Variants in PCDHGA8 observed in about 807,000 individuals in gnomAD.
PCDHGA8 encodes the protein protocadherin gamma subfamily A, 8.
A neutral mutation model predicts 59.2 loss-of-function variants in PCDHGA8; 45 were observed. The observed-to-expected ratio is 0.76, with a 90% CI of 0.60 to 0.98. The LOEUF (loss-of-function observed/expected upper bound fraction) is 0.98, where lower values mean the gene tolerates loss of function less well. Ranked by LOEUF, PCDHGA8 falls within the 50% of genes least tolerant of loss-of-function variation. The probability of loss-of-function intolerance (pLI) is 0.00; values close to 1 mark genes in which losing one functional copy is unlikely to be tolerated. For synonymous variants in PCDHGA8, 531 were observed against 519.0 expected, an observed-to-expected ratio of 1.02 and a Z score of -0.32; for missense variants, 1,257 against 1,196.2, an observed-to-expected ratio of 1.05 and a Z score of -0.75.
At chr5:141,457,560 G>A (rs1466753974) in intron 1 of PCDHGA8, among the ~76,000 whole-genome samples, 1 of 152,162 alleles carries the variant, frequency 6.6e-6, no homozygotes, top group African/African-American at 2.4e-5. Flanking sequence ...ATAAGCTTTG[G>A]AGCAAAATTT....
chr5:141,402,091 G>C (rs1453803021), intron 1 of PCDHGA8, among the ~76,000 whole-genome samples: 2 of 152,088 alleles, frequency 1.3e-5, no homozygotes, highest in Non-Finnish European at 2.9e-5. Context: ...TAGCAGAAAA[G>C]TTTAAGCAAT....
rs756332070 is a variant in PCDHGA8, at chr5:141,431,578, C to A, written c.2424+36341C>A. The stretch of plus-strand genomic sequence containing the variant: ...ACGCTACCGACCCTGACGAAGGAGT[C>A]AATGCGGAAGTGAGGTATTCCTTCC... On this transcript the variant is annotated intron_variant, in intron 1 of 3. Transcript: ENST00000398604. This position sits in a 1 kb window ranked among gnomAD's most constrained non-coding sequence, Gnocchi z 4.8. 6.2e-7 allele frequency: 1 copy of A among 1,614,164 alleles called. No homozygotes were observed. Among genetic ancestry groups the A allele is most frequent in the African/African-American group, 1.3e-5 (1 of 75,060 alleles).
chr5:141,469,226 A>G (rs998643671), intron 1 of PCDHGA8, among the ~76,000 whole-genome samples: 1 of 152,066 alleles, frequency 6.6e-6, no homozygotes, highest in Non-Finnish European at 1.5e-5. Context: ...TCAGTGAGCC[A>G]TGATCACCCC....
rs537755017 is a variant in PCDHGA8 at position 141,491,797 on chromosome 5, G to A, written c.2425-3010G>A. 16 of 1,506,818 alleles carry A rather than the reference G, an allele frequency of 1.1e-5. No individual in the cohort carries two copies. In the Admixed American group the frequency reaches 2.2e-4, roughly 20 times the overall value. The allele number at this position is 1,506,818 out of a possible 1,614,324, so 93.3% of individuals were successfully genotyped here. A position where few individuals can be genotyped will look rare whatever the true frequency, so the allele number is the denominator to read the frequency against. ...ATTGAACTTGCATCCACTCCTCTCC[G>A]GCCGGCTTGGTCGCTGGCTGCGCTC... On this transcript the variant is annotated intron_variant, in intron 1 of 3. Transcript: ENST00000398604. The surrounding 1 kb of genome is among the most constrained non-coding windows in gnomAD (Gnocchi z 6.9).
chr5:141,428,057 G>C (rs766786963), intron 1 of PCDHGA8: 2 of 1,609,044 alleles, frequency 1.2e-6, no homozygotes, highest in East Asian at 2.2e-5. Flanking sequence ...AGGTGGTGGC[G>C]GTGGACGCAG....
At chr5:141,466,528 T>C (rs1171715691) in intron 1 of PCDHGA8, among the ~76,000 whole-genome samples, 1 of 152,204 alleles carries the variant, frequency 6.6e-6, no homozygotes, top group African/African-American at 2.4e-5. Context: ...TCCTCCCAAA[T>C]TGATGTAGAT....
chr5:141,477,221 A>G lies in PCDHGA8; in HGVS notation c.2425-17586A>G, dbSNP rs771608717. 1 of 1,614,178 alleles carries G rather than the reference A, an allele frequency of 6.2e-7. No homozygotes were observed. The highest frequency in any genetic ancestry group is 8.5e-7 in the Non-Finnish European group (1 of 1,180,044). ...AGTACCCGAGGATGCCCCTCTGGGG[A>G]CTGTCATCGCTTTGCTCAGTGTGAC... On this transcript the variant is annotated intron_variant, in intron 1 of 3. Coordinates refer to ENST00000398604, the MANE Select transcript of PCDHGA8 (RefSeq NM_032088.2). This position sits in a 1 kb window ranked among gnomAD's most constrained non-coding sequence, Gnocchi z 4.9.
intron 2 of PCDHGA8, among the ~76,000 whole-genome samples, chr5:141,499,083 C>G (rs2099789346): frequency 6.6e-6 from 1 of 152,082 alleles, no homozygotes; most frequent in African/African-American, 2.4e-5. Flanking sequence ...GAAGTTCCTG[C>G]TTGGCACATG....
Position 141,477,161 on chromosome 5 carries a change from G to A in PCDHGA8, c.2425-17646G>A, listed in dbSNP as rs761453939. On this transcript the variant is annotated intron_variant, in intron 1 of 3. Transcript: ENST00000398604. The surrounding 1 kb of genome is among the most constrained non-coding windows in gnomAD (Gnocchi z 4.9). ...GGAGGTTGTGGATGTGAATGACAAC[G>A]CCCCGGAGATCACAGTCACCTCCGT... 1.9e-6 allele frequency: 3 copies of A among 1,613,988 alleles called. No individual in the cohort carries two copies. The highest frequency in any genetic ancestry group is 2.7e-5 in the African/African-American group (2 of 74,904).
chr5:141,434,802 G>A (rs1009500775), intron 1 of PCDHGA8, among the ~76,000 whole-genome samples: 10 of 151,488 alleles, frequency 6.6e-5, no homozygotes, highest in African/African-American at 2.4e-4. Flanking sequence ...TTCTGAGCTT[G>A]GAGAAATATA....
intron 3 of PCDHGA8, among the ~76,000 whole-genome samples, chr5:141,509,700 TGGA>T (rs1407159498): frequency 6.6e-6 from 1 of 152,192 alleles, no homozygotes; most frequent in East Asian, 1.9e-4. Flanking sequence ...GACGTTGGAC[TGGA>T]GGTGCTGTCT....
At chr5:141,503,325 G>A (rs1002520312) in intron 2 of PCDHGA8, among the ~76,000 whole-genome samples, 10 of 152,104 alleles carry the variant, frequency 6.6e-5, no homozygotes, top group East Asian at 1.9e-4. Flanking sequence ...GGAGGGGCGC[G>A]GTGGCTCACG....
intron 1 of PCDHGA8, chr5:141,413,353 C>A (rs2095629361): frequency 6.2e-7 from 1 of 1,613,962 alleles, no homozygotes; most frequent in East Asian, 2.2e-5. Context: ...GGGTCTGGCG[C>A]CCCGGGAGCT....
chr5:141,400,728 T>C, intron 1 of PCDHGA8: 1 of 648,188 alleles, frequency 1.5e-6, no homozygotes. Context: ...ATTTACAAAG[T>C]AGTGAGAGTT....
intron 2 of PCDHGA8, among the ~76,000 whole-genome samples, chr5:141,501,049 A>G (rs1458722311): frequency 1.3e-5 from 2 of 151,844 alleles, no homozygotes; most frequent in African/African-American, 2.4e-5. Flanking sequence ...TTGTATTTTT[A>G]GTAGAGACGG....
intron 1 of PCDHGA8, chr5:141,410,046 G>T: frequency 6.2e-7 from 1 of 1,613,174 alleles, no homozygotes; most frequent in Non-Finnish European, 8.5e-7. Context: ...AGTGAGCCCG[G>T]ACTCTTCAGC....
rs185704620 is a variant in PCDHGA8, at chr5:141,396,920, C to T, written c.2424+1683C>T. Among the ~76,000 whole-genome samples the T allele has an allele frequency of 3.3e-5, 5 of 152,316 alleles. No individual in the cohort carries two copies. In the East Asian group the frequency reaches 7.7e-4, roughly 23 times the overall value. ...TATTGGCACTTTGCAATTTTAAAAACTCGGATGAAAGTTGCCCTGGTAGGA... is the reference window on the plus strand; with the variant it reads ...TATTGGCACTTTGCAATTTTAAAAATTCGGATGAAAGTTGCCCTGGTAGGA... On this transcript the variant is annotated intron_variant, in intron 1 of 3. Transcript: ENST00000398604.
chr5:141,468,039 A>G (rs1007212946), intron 1 of PCDHGA8, among the ~76,000 whole-genome samples: 21 of 152,262 alleles, frequency 1.4e-4, no homozygotes, highest in African/African-American at 5.1e-4. Context: ...CATTTAGAAA[A>G]CTAAGCCGGG....
At chr5:141,504,483 AGGCACC>A (rs2099838618) in intron 2 of PCDHGA8, among the ~76,000 whole-genome samples, 1 of 151,954 alleles carries the variant, frequency 6.6e-6, no homozygotes, top group Non-Finnish European at 1.5e-5. Flanking sequence ...AGTACAGTGG[AGGCACC>A]TGCCCAGTCT....
Sources: allele counts gnomAD v4.1 joint callset (sites outside exome capture counted in the v4.1 genomes callset), GRCh38; gene constraint gnomAD v4.1.1; non-coding constraint Gnocchi (gnomAD v3.1); transcripts MANE v1.5; gene names NCBI Gene and HGNC (gene_info 2026-07-23, HGNC 2026-07-21).